The following HNF1B variants were observed in gnomAD, a reference collection of about 807,000 sequenced individuals.
HNF1B encodes hepatocyte nuclear factor 1-beta.
In HNF1B, 8 loss-of-function variants were observed where a neutral mutation model predicts 61.7. The ratio of observed to expected loss-of-function variants is 0.13; its 90% confidence interval spans 0.08 to 0.23. The LOEUF is 0.23. Among genes scored for constraint, HNF1B ranks in the 10% least tolerant of loss-of-function variants. HNF1B has a pLI of 1.00. For missense variants in HNF1B, 562 were observed against 714.5 expected, an observed-to-expected ratio of 0.79 and a Z score of 2.43; for synonymous variants, 314 against 287.7, an observed-to-expected ratio of 1.09 and a Z score of -0.93.
chr17:37,712,203 T>A (rs1431081261), intron 4 of HNF1B, among the ~76,000 whole-genome samples: 1 of 152,224 alleles, frequency 6.6e-6, no homozygotes, highest in Non-Finnish European at 1.5e-5. Context: ...ATTTTCCCCA[T>A]TCTTTGAATC....
At chr17:37,723,227 G>A (rs1042191238) in intron 4 of HNF1B, among the ~76,000 whole-genome samples, 9 of 151,598 alleles carry the variant, frequency 5.9e-5, no homozygotes, top group Non-Finnish European at 1.3e-4. Context: ...GACGCCTGTA[G>A]TCCCAGCTAC....
chr17:37,744,849 G>A lies in HNF1B; in HGVS notation c.36C>T (p.Leu12=), dbSNP rs749370057. The change falls in exon 1 of 9, where the codon CTC becomes CTT. Residue 12 remains leucine (L), a synonymous_variant. Coordinates refer to ENST00000617811, the MANE Select transcript of HNF1B (RefSeq NM_000458.4). ...VSKLTSLQQE[L]LSALLSSGVT... ...CCCCGGAGCTCAGCAGGGCGCTCAGGAGTTCTTGCTGGAGCGACGTGAGCT... is the reference window on the plus strand; with the variant it reads ...CCCCGGAGCTCAGCAGGGCGCTCAGAAGTTCTTGCTGGAGCGACGTGAGCT... The A allele has an allele frequency of 1.8e-5, 26 of 1,423,018 alleles. No individual in the cohort carries two copies. The African/African-American group carries it at 3.2e-4, about 18-fold the overall frequency. 88.1% of individuals were successfully genotyped at this position (1,423,018 alleles called of 1,614,324 possible).
intron 3 of HNF1B, 21 bp from the exon 4 acceptor site, chr17:37,731,851 G>T: frequency 1.5e-6 from 2 of 1,297,580 alleles, no homozygotes; most frequent in Non-Finnish European, 2.2e-6. Context: ...ATGGAGGGGA[G>T]ATGGTGAGTG....
At chr17:37,691,333 A>C (rs138574150) in intron 8 of HNF1B, among the ~76,000 whole-genome samples, 2 of 152,330 alleles carry the variant, frequency 1.3e-5, no homozygotes, top group Non-Finnish European at 2.9e-5. Flanking sequence ...ATTAAAAGTC[A>C]TGATTATAAT....
At chr17:37,717,424 T>C (rs907549349) in intron 4 of HNF1B, among the ~76,000 whole-genome samples, 1 of 152,210 alleles carries the variant, frequency 6.6e-6, no homozygotes, top group African/African-American at 2.4e-5. Context: ...CTGTTGGGTC[T>C]AGAAACTGGG....
At chr17:37,690,375 T>C (rs890558984) in intron 8 of HNF1B, among the ~76,000 whole-genome samples, 1 of 152,120 alleles carries the variant, frequency 6.6e-6, no homozygotes, top group Non-Finnish European at 1.5e-5. Context: ...TGTTTTAGTT[T>C]GGTTGTGATG....
rs121918671 is a variant in HNF1B at position 37,744,584 on chromosome 17, C to G, written c.301G>C (p.Glu101Gln). 14 of 1,607,262 alleles carry G rather than the reference C, an allele frequency of 8.7e-6. No individual in the cohort carries two copies. The highest frequency in any genetic ancestry group is 4.4e-5 in the South Asian group (4 of 91,082). ...ILKELQALNT[E>Q]EAAEQRAEVD... ...TCCGCCCGCTGCTCCGCCGCCTCCT[C>G]GGTGTTGAGCGCCTGCAGCTCCTTG... The change falls in exon 1 of 9, where the codon GAG becomes CAG. Residue 101 changes from glutamate to glutamine, a missense_variant. By Grantham distance (29) the Glu-to-Gln change is conservative. Transcript: ENST00000617811.
chr17:37,703,765 A>G (rs1442115682), intron 6 of HNF1B, among the ~76,000 whole-genome samples: 2 of 152,216 alleles, frequency 1.3e-5, no homozygotes, highest in African/African-American at 4.8e-5. Flanking sequence ...CTAAGGATAG[A>G]GTGAGAGCCA....
At chr17:37,705,449 C>T (rs2147459573) in intron 5 of HNF1B, among the ~76,000 whole-genome samples, 1 of 152,312 alleles carries the variant, frequency 6.6e-6, no homozygotes, top group South Asian at 2.1e-4. Flanking sequence ...TACTAGCCAG[C>T]TTCAGAAATT....
In HNF1B at chr17:37,733,725, T is replaced by A; in HGVS notation, c.641A>T (p.His214Leu). ...FLFPEFSQQS[H>L]GPGQSDDACS... ...GGCATCATCGGACTGCCCAGGCCCA[T>A]GGCTCTGTTGACTGAACTCTGGAAA... is the stretch of plus-strand genomic sequence containing the variant. Residue 214 changes from histidine (H) to leucine (L), a missense_variant, in exon 3 of 9, where the codon CAT (histidine) becomes CTT (leucine). Transcript: ENST00000617811. 1 of 1,614,226 alleles carries A rather than the reference T, an allele frequency of 6.2e-7. No homozygotes were observed. The highest frequency in any genetic ancestry group is 1.7e-5 in the Admixed American group (1 of 60,032).
chr17:37,740,113 T>A (rs1568671341), intron 1 of HNF1B, among the ~76,000 whole-genome samples: 1 of 152,074 alleles, frequency 6.6e-6, no homozygotes, highest in Non-Finnish European at 1.5e-5. Flanking sequence ...GGATTATAGA[T>A]GCCCAGCACC....
chr17:37,722,681 G>A (rs151221336), intron 4 of HNF1B, among the ~76,000 whole-genome samples: 61 of 152,296 alleles, frequency 4.0e-4, no homozygotes, highest in African/African-American at 9.6e-4. Context: ...TGGAAGCATC[G>A]AGTCCCCCCT....
At chr17:37,705,340 T>C (rs2032708998) in intron 5 of HNF1B, among the ~76,000 whole-genome samples, 2 of 152,154 alleles carry the variant, frequency 1.3e-5, no homozygotes. Flanking sequence ...AAGTGTCTAC[T>C]GTGGGACAGA....
In HNF1B at chr17:37,744,922, G is replaced by C; in HGVS notation, c.-38C>G. The C allele has an allele frequency of 7.5e-7, 1 of 1,328,858 alleles. No homozygotes were observed. Among genetic ancestry groups the C allele is most frequent in the South Asian group, 1.2e-5 (1 of 83,760 alleles). 82.3% of individuals were successfully genotyped at this position (1,328,858 alleles called of 1,614,324 possible). The stretch of plus-strand genomic sequence containing the variant: ...GAAAAAGAAGGGGGTGAGGGGGTGG[G>C]TGGGTGCGAGAGAGGAGGGTGGAGG... On this transcript the variant is annotated 5_prime_UTR_variant, in exon 1 of 9. Coordinates refer to ENST00000617811, the MANE Select transcript of HNF1B (RefSeq NM_000458.4).
intron 8 of HNF1B, among the ~76,000 whole-genome samples, chr17:37,698,591 C>T (rs1480875090): frequency 6.6e-6 from 1 of 152,150 alleles, no homozygotes; most frequent in Non-Finnish European, 1.5e-5. Flanking sequence ...TGGGTCATTC[C>T]CAGAGCTTAT....
At chr17:37,731,270 C>T (rs1254569835) in intron 4 of HNF1B, 2 of 493,162 alleles carry the variant, frequency 4.1e-6, no homozygotes, top group South Asian at 2.2e-5. Flanking sequence ...TGGATCTGGC[C>T]CACCCATAAG....
intron 4 of HNF1B, among the ~76,000 whole-genome samples, chr17:37,718,142 T>C (rs1342304322): frequency 6.6e-6 from 1 of 150,988 alleles, no homozygotes; most frequent in South Asian, 2.1e-4. Flanking sequence ...TCAAAGCAAA[T>C]GTAACCAAGA....
chr17:37,744,858 C>A lies in HNF1B; in HGVS notation c.27G>T (p.Gln9His). ...TCAGCAGGGCGCTCAGGAGTTCTTG[C>A]TGGAGCGACGTGAGCTTGGACACCA... MVSKLTSL[Q>H]QELLSALLSS... The change falls in exon 1 of 9, where the codon CAG becomes CAT. Residue 9 changes from glutamine (Q) to histidine (H), a missense_variant. Transcript: ENST00000617811. 7.3e-7 allele frequency: 1 copy of A among 1,369,964 alleles called. No individual in the cohort carries two copies. Among genetic ancestry groups the A allele is most frequent in the Non-Finnish European group, 9.7e-7 (1 of 1,030,616 alleles). The allele number at this position is 1,369,964 out of a possible 1,614,324, so 84.9% of individuals were successfully genotyped here.
intron 4 of HNF1B, among the ~76,000 whole-genome samples, chr17:37,722,492 C>T (rs1000822900): frequency 2.0e-5 from 3 of 152,228 alleles, no homozygotes; most frequent in Non-Finnish European, 4.4e-5. Flanking sequence ...TACCCAGACA[C>T]ACGCATCTGA....
Sources: allele counts gnomAD v4.1 joint callset (sites outside exome capture counted in the v4.1 genomes callset), GRCh38; gene constraint gnomAD v4.1.1; transcripts MANE v1.5; gene names NCBI Gene and HGNC (gene_info 2026-07-23, HGNC 2026-07-21).